RABGAP1L: variants seen among roughly 807,000 people sequenced by gnomAD.
RABGAP1L encodes RAB GTPase activating protein 1 like, also known as rab GTPase-activating protein 1-like.
Under a neutral mutation model 137.7 loss-of-function variants are expected in RABGAP1L, and 63 were observed. The ratio of observed to expected loss-of-function variants is 0.46; its 90% CI spans 0.37 to 0.56. The LOEUF is 0.56. Ranked by LOEUF, RABGAP1L falls within the 20% of genes least tolerant of loss-of-function variation. The pLI, the probability that RABGAP1L is intolerant of heterozygous loss-of-function variation, is 0.00. For synonymous variants in RABGAP1L, 431 were observed against 433.7 expected (o/e 0.99, Z 0.08); for missense variants, 1,095 against 1,244.0 (o/e 0.88, Z 1.80).
At chr1:174,280,048 G>GGAGGGAGAGAGAGA (rs1476116577) in intron 10 of RABGAP1L, among the ~76,000 whole-genome samples, 36 of 125,302 alleles carry the variant, frequency 2.9e-4, no homozygotes, top group Non-Finnish European at 4.2e-4. Flanking sequence ...CTGTCTGCCT[G>GGAGGGAGAGAGAGA]GAGAGAGAGA....
intron 13 of RABGAP1L, among the ~76,000 whole-genome samples, chr1:174,407,729 G>C (rs1571657673): frequency 6.6e-6 from 1 of 152,080 alleles, no homozygotes; most frequent in East Asian, 1.9e-4. Flanking sequence ...TCAGAATTCA[G>C]CTTTTTCTTG....
At chr1:174,928,086 T>G (rs999671548) in intron 19 of RABGAP1L, among the ~76,000 whole-genome samples, 2 of 152,204 alleles carry the variant, frequency 1.3e-5, no homozygotes, top group Non-Finnish European at 2.9e-5. Context: ...ATCTGGCCCT[T>G]CCTTCTCCAG....
intron 13 of RABGAP1L, among the ~76,000 whole-genome samples, chr1:174,402,249 CA>C (rs1648689528): frequency 6.6e-6 from 1 of 151,986 alleles, no homozygotes; most frequent in Non-Finnish European, 1.5e-5. Context: ...CTCAAAAACC[CA>C]AAACTAGAAT....
rs528461479 is a variant in RABGAP1L, at chr1:174,241,839, G to A, written c.717+182G>A. On this transcript the variant is annotated intron_variant, in intron 5 of 25. Coordinates refer to ENST00000681986, the MANE Select transcript of RABGAP1L (RefSeq NM_001366446.1). ...AGCCAAGTCTGGTATATCTGCATAGGTAGGGCACTCTCACAGCTTAGCAGT... is the reference window on the plus strand; with the variant it reads ...AGCCAAGTCTGGTATATCTGCATAGATAGGGCACTCTCACAGCTTAGCAGT... 6.1e-4 allele frequency among the ~76,000 whole-genome samples: 93 copies of A among 152,266 alleles called. 1 individual carries two copies. In the South Asian group the frequency reaches 0.019, roughly 31 times the overall value.
At position 174,854,715 on chromosome 1, in the gene RABGAP1L, C is replaced by CTTTT. The variant is rs71117584; in HGVS notation, c.2340+42797_2340+42800dup. 2.3e-4 allele frequency among the ~76,000 whole-genome samples: 13 copies of CTTTT among 56,862 alleles called. 1 individual carries two copies. The highest frequency in any genetic ancestry group is 3.7e-4 in the Non-Finnish European group (11 of 29,350). The allele number at this position is 56,862 out of a possible 152,430, so 37.3% of individuals were successfully genotyped here. On this transcript the variant is annotated intron_variant, in intron 19 of 25. Transcript: ENST00000681986. ...AACTGCAATAGACTCAATATAAATG[C>CTTTT]TTTTTTTTTTTTTTTTTTTTTTTTT...
chr1:174,774,820 C>T (rs1480798906), intron 18 of RABGAP1L, among the ~76,000 whole-genome samples: 6 of 152,098 alleles, frequency 3.9e-5, no homozygotes, highest in Non-Finnish European at 7.4e-5. Context: ...GTTGAGGCTG[C>T]AGTGAGCCAT....
rs918971606 is a variant in RABGAP1L, at chr1:174,993,123, A to C, written c.*3122A>C. On this transcript the variant is annotated 3_prime_UTR_variant, in exon 26 of 26. Transcript: ENST00000681986. ...GAAACCAAGCTGGATTTTGCAGTGCATATGTTTGCTAGCTTCCCACATCCT... is the reference window on the plus strand; with the variant it reads ...GAAACCAAGCTGGATTTTGCAGTGCCTATGTTTGCTAGCTTCCCACATCCT... The C allele has an allele frequency of 1.3e-5, 2 of 152,182 alleles. No individual in the cohort carries two copies. The highest frequency in any genetic ancestry group is 4.8e-5 in the African/African-American group (2 of 41,442). The allele number at this position is 152,182 out of a possible 1,614,324, so 9.4% of individuals were successfully genotyped here. A position where few individuals can be genotyped will look rare whatever the true frequency, so the allele number is the denominator to read the frequency against.
intron 13 of RABGAP1L, among the ~76,000 whole-genome samples, chr1:174,566,903 A>G (rs1168894716): frequency 6.6e-6 from 1 of 152,124 alleles, no homozygotes; most frequent in Admixed American, 6.6e-5. Flanking sequence ...AGCATCTCCC[A>G]GTCCCAGAAA....
At chr1:174,305,939 C>A (rs1678195509) in intron 11 of RABGAP1L, among the ~76,000 whole-genome samples, 1 of 152,004 alleles carries the variant, frequency 6.6e-6, no homozygotes, top group Non-Finnish European at 1.5e-5. Context: ...TAACAGGCCG[C>A]AGTGTGTGAT....
intron 13 of RABGAP1L, among the ~76,000 whole-genome samples, chr1:174,509,496 C>G (rs1181769466): frequency 6.6e-6 from 1 of 151,904 alleles, no homozygotes; most frequent in Non-Finnish European, 1.5e-5. Context: ...GTTCTTAGCT[C>G]TCTGACAAAG....
intron 7 of RABGAP1L, among the ~76,000 whole-genome samples, chr1:174,254,823 A>C (rs1387685985): frequency 6.6e-6 from 1 of 152,186 alleles, no homozygotes; most frequent in Non-Finnish European, 1.5e-5. Flanking sequence ...TTTATAGTAG[A>C]ATGATTTATA....
chr1:174,893,835 T>A (rs1656679225), intron 19 of RABGAP1L, among the ~76,000 whole-genome samples: 1 of 152,222 alleles, frequency 6.6e-6, no homozygotes. Flanking sequence ...TAGGGCCTGT[T>A]GGAACAGTTT....
chr1:174,222,747 A>G (rs1485329598), intron 3 of RABGAP1L, among the ~76,000 whole-genome samples: 1 of 152,230 alleles, frequency 6.6e-6, no homozygotes, highest in African/African-American at 2.4e-5. Context: ...ATGCAAGATG[A>G]CAGGAAAAAG....
At chr1:174,712,241 C>G (rs992967390) in intron 17 of RABGAP1L, among the ~76,000 whole-genome samples, 2 of 152,182 alleles carry the variant, frequency 1.3e-5, no homozygotes, top group African/African-American at 4.8e-5. Context: ...GAGCAGTCAC[C>G]TTCCGGACTG....
chr1:174,992,066 A>C lies in RABGAP1L; in HGVS notation c.*2065A>C, dbSNP rs1012520443. The C allele has an allele frequency of 5.3e-4, 81 of 152,218 alleles. No homozygotes were observed. Among genetic ancestry groups the C allele is most frequent in the African/African-American group, 1.9e-3 (79 of 41,456 alleles). The allele number at this position is 152,218 out of a possible 1,614,324, so 9.4% of individuals were successfully genotyped here. On this transcript the variant is annotated 3_prime_UTR_variant, in exon 26 of 26. Transcript: ENST00000681986. ...AAATAATAGTAGGTGAGGGAGAAAC[A>C]TAATGGCTCTAGGTCAATCCCTTAT...
chr1:174,536,807 A>G lies in RABGAP1L; in HGVS notation c.1711-100568A>G, dbSNP rs116706871. 1.6e-3 allele frequency among the ~76,000 whole-genome samples: 240 copies of G among 152,296 alleles called. 1 individual carries two copies. The highest frequency in any genetic ancestry group is 5.6e-3 in the African/African-American group (232 of 41,572). On this transcript the variant is annotated intron_variant, in intron 13 of 25. Transcript: ENST00000681986. ...AGCAGAAGGTAGAGTACCGGCATTA[A>G]TGACAAATACATTTTTACCTTAGAC...
intron 18 of RABGAP1L, among the ~76,000 whole-genome samples, chr1:174,767,210 G>A (rs1402478656): frequency 6.6e-6 from 1 of 152,154 alleles, no homozygotes; most frequent in African/African-American, 2.4e-5. Context: ...TCTGAGGGCT[G>A]TGTCATGGGC....
rs1346233513 is a variant in RABGAP1L at position 174,994,053 on chromosome 1, T to G, written c.*4052T>G. The G allele has an allele frequency of 6.6e-6, 1 of 152,240 alleles. No individual in the cohort carries two copies. The highest frequency in any genetic ancestry group is 1.5e-5 in the Non-Finnish European group (1 of 68,044). The allele number at this position is 152,240 out of a possible 1,614,324, so 9.4% of individuals were successfully genotyped here. A position where few individuals can be genotyped will look rare whatever the true frequency, so the allele number is the denominator to read the frequency against. On this transcript the variant is annotated 3_prime_UTR_variant, in exon 26 of 26. Transcript: ENST00000681986. ...CCAGACCACAGCTCTGCAGCCTGTT[T>G]CCTACAACCAGATATAAAACTCTTT...
At chr1:174,613,930 T>C (rs1557900583) in intron 13 of RABGAP1L, among the ~76,000 whole-genome samples, 1 of 152,124 alleles carries the variant, frequency 6.6e-6, no homozygotes, top group Admixed American at 6.5e-5. Flanking sequence ...CTCCATCCCT[T>C]TATTTTGAGC....
Sources: allele counts gnomAD v4.1 joint callset (sites outside exome capture counted in the v4.1 genomes callset), GRCh38; gene constraint gnomAD v4.1.1; transcripts MANE v1.5; gene names NCBI Gene and HGNC (gene_info 2026-07-23, HGNC 2026-07-21).